CA8: variants seen among roughly 807,000 people sequenced by gnomAD.
CA8 encodes carbonic anhydrase 8 (inactive).
In CA8, 22 loss-of-function variants were observed where a neutral mutation model predicts 41.4. The ratio of observed to expected loss-of-function variants is 0.53; its 90% CI spans 0.38 to 0.76. The LOEUF is 0.76. Ranked by LOEUF, CA8 falls within the 30% of genes least tolerant of loss-of-function variation. CA8 has a pLI of 0.00. For missense variants in CA8, 270 were observed against 352.8 expected, an observed-to-expected ratio of 0.77 and a Z score of 1.88; for synonymous variants, 121 against 130.6, an observed-to-expected ratio of 0.93 and a Z score of 0.50.
intron 8 of CA8, among the ~76,000 whole-genome samples, chr8:60,197,154 T>A (rs1219413303): frequency 6.6e-6 from 1 of 152,160 alleles, no homozygotes; most frequent in Non-Finnish European, 1.5e-5. Context: ...TTCTAAGAAT[T>A]TTTTAAGGAA....
intron 2 of CA8, among the ~76,000 whole-genome samples, chr8:60,269,563 C>T (rs976687202): frequency 1.3e-5 from 2 of 152,196 alleles, no homozygotes; most frequent in Admixed American, 6.5e-5. Context: ...TTTGTAAGAT[C>T]TGAAAACCCT....
intron 8 of CA8, among the ~76,000 whole-genome samples, chr8:60,201,689 A>T (rs1271939203): frequency 4.6e-5 from 7 of 152,226 alleles, no homozygotes; most frequent in African/African-American, 1.7e-4. Flanking sequence ...TCATACTTTC[A>T]TAATTTCCAA....
chr8:60,214,565 T>C (rs1230952391), intron 7 of CA8, among the ~76,000 whole-genome samples: 1 of 152,184 alleles, frequency 6.6e-6, no homozygotes, highest in Non-Finnish European at 1.5e-5. Context: ...ACCTGGACTT[T>C]AGGGAAACAG....
chr8:60,254,378 A>G (rs1406418434), intron 3 of CA8, among the ~76,000 whole-genome samples: 1 of 152,186 alleles, frequency 6.6e-6, no homozygotes, highest in Non-Finnish European at 1.5e-5. Context: ...TACAGCCTTG[A>G]TTCCACTATG....
At chr8:60,249,229 G>A (rs1314057228) in intron 3 of CA8, among the ~76,000 whole-genome samples, 1 of 152,130 alleles carries the variant, frequency 6.6e-6, no homozygotes, top group Non-Finnish European at 1.5e-5. Flanking sequence ...AAGCAAAGAG[G>A]AAAAGCTAAA....
intron 3 of CA8, among the ~76,000 whole-genome samples, chr8:60,261,983 T>G (rs1359757610): frequency 6.6e-6 from 1 of 152,218 alleles, no homozygotes; most frequent in Non-Finnish European, 1.5e-5. Context: ...GTGCTGGGAT[T>G]ACAGGTGTGA....
intron 8 of CA8, among the ~76,000 whole-genome samples, chr8:60,200,699 AATACT>A (rs1806397857): frequency 6.6e-6 from 1 of 151,636 alleles, no homozygotes; most frequent in Non-Finnish European, 1.5e-5. Context: ...AAATGCCAAT[AATACT>A]ACCTTATTTT....
chr8:60,193,171 T>A (rs1238917557), intron 8 of CA8, among the ~76,000 whole-genome samples: 1 of 152,072 alleles, frequency 6.6e-6, no homozygotes, highest in Non-Finnish European at 1.5e-5. Flanking sequence ...ATACCTTGGG[T>A]TTTTCCACCT....
At chr8:60,261,728 C>G (rs962915830) in intron 3 of CA8, among the ~76,000 whole-genome samples, 1 of 152,114 alleles carries the variant, frequency 6.6e-6, no homozygotes, top group Non-Finnish European at 1.5e-5. Flanking sequence ...ACTTGACACA[C>G]TGTTGGTCTC....
chr8:60,267,108 C>A (rs1803927286), intron 2 of CA8, among the ~76,000 whole-genome samples: 2 of 152,158 alleles, frequency 1.3e-5, no homozygotes, highest in African/African-American at 4.8e-5. Flanking sequence ...GAGAAGAAAG[C>A]AAATTGGTGC....
chr8:60,216,419 A>T (rs189525346), intron 7 of CA8, among the ~76,000 whole-genome samples: 29 of 152,346 alleles, frequency 1.9e-4, no homozygotes, highest in Admixed American at 1.7e-3. Flanking sequence ...CTCTGTGCTA[A>T]TAGCACCTAA....
intron 3 of CA8, among the ~76,000 whole-genome samples, chr8:60,256,174 T>C (rs927030053): frequency 4.6e-5 from 7 of 152,172 alleles, no homozygotes; most frequent in Non-Finnish European, 8.8e-5. Flanking sequence ...CCTCCCAAAA[T>C]GCTAGGATTA....
chr8:60,219,251 C>T (rs189871219), intron 7 of CA8, among the ~76,000 whole-genome samples: 22 of 152,110 alleles, frequency 1.4e-4, no homozygotes, highest in Admixed American at 2.0e-4. Flanking sequence ...CTCCACCACC[C>T]GGGTTCAAGC....
intron 8 of CA8, among the ~76,000 whole-genome samples, chr8:60,202,055 T>A (rs113581728): frequency 2.0e-5 from 3 of 151,866 alleles, no homozygotes; most frequent in Non-Finnish European, 4.4e-5. Flanking sequence ...TTCTTTTTTT[T>A]TTTTTTGAGA....
At chr8:60,233,235 C>T (rs1458780702) in intron 3 of CA8, among the ~76,000 whole-genome samples, 2 of 152,212 alleles carry the variant, frequency 1.3e-5, no homozygotes, top group Non-Finnish European at 2.9e-5. Flanking sequence ...CGCCTTACAA[C>T]GTCGCCTTAT....
chr8:60,230,469 G>A (rs1807604313), intron 4 of CA8, among the ~76,000 whole-genome samples: 2 of 151,860 alleles, frequency 1.3e-5, no homozygotes, highest in African/African-American at 2.4e-5. Flanking sequence ...CCTTCCTTTG[G>A]CCAAGCTTCT....
intron 3 of CA8, among the ~76,000 whole-genome samples, chr8:60,249,960 C>T (rs1052589338): frequency 7.2e-4 from 110 of 152,206 alleles, no homozygotes; most frequent in African/African-American, 2.2e-3. Flanking sequence ...AATCATAATA[C>T]GCAAAGTGGG....
chr8:60,191,918 T>C (rs1469839527), intron 8 of CA8, among the ~76,000 whole-genome samples: 1 of 152,122 alleles, frequency 6.6e-6, no homozygotes, highest in African/African-American at 2.4e-5. Flanking sequence ...CTATTCATTT[T>C]TGAAGCTCTC....
chr8:60,217,186 G>GAA (rs113777636), intron 7 of CA8, among the ~76,000 whole-genome samples: 2 of 151,524 alleles, frequency 1.3e-5, no homozygotes, highest in African/African-American at 4.8e-5. Flanking sequence ...GCCTGGCCAA[G>GAA]AAAAAAAAAG....
Sources: gnomAD v4.1 joint callset for allele counts (sites outside exome capture counted in the v4.1 genomes callset) on GRCh38, gnomAD v4.1.1 for gene constraint, MANE v1.5 for transcripts, NCBI Gene and HGNC (gene_info 2026-07-23, HGNC 2026-07-21) for gene names.